SLC39A6: variants seen among roughly 807,000 people sequenced by gnomAD.
SLC39A6 encodes the protein zinc transporter ZIP6.
Under a neutral mutation model 63.5 loss-of-function variants are expected in SLC39A6, and 51 were observed. The observed-to-expected ratio is 0.80, with a 90% confidence interval of 0.64 to 1.01. The LOEUF is 1.01. Among genes scored for constraint, SLC39A6 ranks in the 50% least tolerant of loss-of-function variants. The pLI, the probability that SLC39A6 is intolerant of heterozygous loss-of-function variation, is 0.00. For missense variants in SLC39A6, 805 were observed against 927.8 expected (o/e 0.87, Z 1.72); for synonymous variants, 318 against 324.7 (o/e 0.98, Z 0.22).
intron 7 of SLC39A6, among the ~76,000 whole-genome samples, chr18:36,113,864 T>C (rs1174499261): frequency 2.6e-5 from 4 of 152,218 alleles, no homozygotes; most frequent in African/African-American, 9.6e-5. Context: ...GAACAGCTTT[T>C]GACAGTTACA....
At position 36,123,552 on chromosome 18, in the gene SLC39A6, A is replaced by C. The variant is rs1402850032; in HGVS notation, c.1083T>G (p.Leu361=). 2 of 1,613,920 alleles carry C rather than the reference A, an allele frequency of 1.2e-6. No homozygotes were observed. Among genetic ancestry groups the C allele is most frequent in the African/African-American group, 1.3e-5 (1 of 75,016 alleles). ...RVFFKFLLSF[L]VALAVGTLSG... Reference sequence around the variant, plus strand: ...TCAAAGTCCCAACGGCCAGTGCCACAAGGAAACTCAGGAGAAATTTGAAAA... The same window carrying C: ...TCAAAGTCCCAACGGCCAGTGCCACCAGGAAACTCAGGAGAAATTTGAAAA... Residue 361 remains leucine (L), a synonymous_variant, in exon 4 of 10, where the codon CTT becomes CTG. Coordinates refer to ENST00000269187, the MANE Select transcript of SLC39A6 (RefSeq NM_012319.4).
chr18:36,123,505 A>G lies in SLC39A6; in HGVS notation c.1130T>C (p.Leu377Pro). 4 of 1,609,710 alleles carry G rather than the reference A, an allele frequency of 2.5e-6. No individual in the cohort carries two copies. The highest frequency in any genetic ancestry group is 3.4e-6 in the Non-Finnish European group (4 of 1,178,846). The part of the protein sequence containing the change: ...GTLSGDAFLH[L>P]LPHSHASHHH... ...AATTACTATACTTACATGTGGAAGA[A>G]GGTGTAAAAAAGCATCACCACTCAA... Residue 377 changes from leucine to proline, a missense_variant, in exon 4 of 10, where the codon CTT becomes CCT. By Grantham distance (98) the Leu-to-Pro change is moderately conservative (BLOSUM62 -3). Around this residue, in one of 4 missense-constraint regions of SLC39A6, gnomAD observed 639 missense variants for 644.0 expected, o/e 0.99. Transcript: ENST00000269187.
chr18:36,110,952 T>C (rs2089295046), intron 9 of SLC39A6, 107 bp downstream of exon 9: 1 of 1,492,766 alleles, frequency 6.7e-7, no homozygotes, highest in African/African-American at 1.4e-5. Flanking sequence ...ATAGCAAGAT[T>C]CCACTTCCTG....
chr18:36,125,354 A>AAG (rs1430775533), intron 2 of SLC39A6, among the ~76,000 whole-genome samples: 1 of 151,074 alleles, frequency 6.6e-6, no homozygotes, highest in Non-Finnish European at 1.5e-5. Flanking sequence ...AAAAAAGAAA[A>AAG]AAAAAAAAAA....
rs751225864 is a variant in SLC39A6 at position 36,111,141 on chromosome 18, A to G, written c.2033T>C (p.Ile678Thr). 2 of 1,614,244 alleles carry G rather than the reference A, an allele frequency of 1.2e-6. No homozygotes were observed. Among genetic ancestry groups the G allele is most frequent in the African/African-American group, 1.3e-5 (1 of 75,070 alleles). The change falls in exon 9 of 10, where the codon ATT becomes ACT. Residue 678 changes from isoleucine (I) to threonine (T), a missense_variant. Around this residue, in one of 4 missense-constraint regions of SLC39A6, gnomAD observed 145 missense variants for 227.2 expected, o/e 0.64. Coordinates refer to ENST00000269187, the MANE Select transcript of SLC39A6 (RefSeq NM_012319.4). ...AYLGMATGIF[I>T]GHYAENVSMW... ...AGAAACATTTTCAGCATAATGACCA[A>G]TGAAAATTCCTGTTGCCATTCCAAG...
At chr18:36,112,683 T>G in intron 7 of SLC39A6, 102 bp from the exon 8 acceptor site, 1 of 855,138 alleles carries the variant, frequency 1.2e-6, no homozygotes. Context: ...ATTTTGGCTG[T>G]GAATGAATAG....
chr18:36,111,124 T>C lies in SLC39A6; in HGVS notation c.2050A>G (p.Asn684Asp). ...AGTGCAAATATCCACATAGAAACAT[T>C]TTCAGCATAATGACCAATGAAAATT... ...TGIFIGHYAE[N>D]VSMWIFALTA... The change falls in exon 9 of 10, where the codon AAT becomes GAT. Residue 684 changes from asparagine to aspartate, a missense_variant. Around this residue, in one of 4 missense-constraint regions of SLC39A6, gnomAD observed 145 missense variants for 227.2 expected, o/e 0.64. Coordinates refer to ENST00000269187, the MANE Select transcript of SLC39A6 (RefSeq NM_012319.4). The C allele has an allele frequency of 6.2e-7, 1 of 1,614,208 alleles. No homozygotes were observed. Among genetic ancestry groups the C allele is most frequent in the Non-Finnish European group, 8.5e-7 (1 of 1,180,024 alleles).
intron 8 of SLC39A6, among the ~76,000 whole-genome samples, chr18:36,111,534 A>C (rs568542790): frequency 7.3e-6 from 1 of 136,346 alleles, no homozygotes; most frequent in Non-Finnish European, 1.5e-5. Context: ...CCCAGGCTGG[A>C]GTGCAGTGGC....
chr18:36,123,776 A>G, intron 3 of SLC39A6, 112 bp from the exon 4 acceptor site: 1 of 1,066,814 alleles, frequency 9.4e-7, no homozygotes, highest in African/African-American at 1.6e-5. Context: ...GAAGCTAAAA[A>G]CACACAAATT....
At chr18:36,117,887 C>T (rs923858555) in intron 5 of SLC39A6, among the ~76,000 whole-genome samples, 5 of 151,978 alleles carry the variant, frequency 3.3e-5, no homozygotes, top group African/African-American at 9.7e-5. Flanking sequence ...AAAAATTAGC[C>T]GGGCGTGTTG....
At chr18:36,115,162 C>A (rs2089333327) in intron 6 of SLC39A6, among the ~76,000 whole-genome samples, 1 of 152,138 alleles carries the variant, frequency 6.6e-6, no homozygotes, top group Non-Finnish European at 1.5e-5. Context: ...GAAGAGGGGG[C>A]CGGGCGTGGT....
chr18:36,109,647 A>G lies in SLC39A6; in HGVS notation c.2214T>C (p.Ile738=), dbSNP rs2089285208. ...GTTCAAATATGGAAATAAGTAACAT[A>G]ATTCCAAAACCCAAAAGCATCCCAG... ...QNAGMLLGFG[I]MLLISIFEHK... is the part of the protein sequence containing the mutation. The change falls in exon 10 of 10, where the codon ATT becomes ATC. Residue 738 remains isoleucine (I), a synonymous_variant. Transcript: ENST00000269187. The G allele has an allele frequency of 6.2e-7, 1 of 1,611,808 alleles. No homozygotes were observed. The highest frequency in any genetic ancestry group is 8.5e-7 in the Non-Finnish European group (1 of 1,178,180).
chr18:36,116,635 A>G, intron 6 of SLC39A6, 39 bp downstream of exon 6: 2 of 1,293,046 alleles, frequency 1.5e-6, no homozygotes, highest in Non-Finnish European at 2.2e-6. Flanking sequence ...TACAGCAATG[A>G]ACTCCCTCCA....
At chr18:36,128,033 T>C (rs913944698) in intron 1 of SLC39A6, among the ~76,000 whole-genome samples, 1 of 152,236 alleles carries the variant, frequency 6.6e-6, no homozygotes, top group African/African-American at 2.4e-5. Flanking sequence ...AAACTCACTG[T>C]AGCATCCTTG....
At chr18:36,116,649 C>G in intron 6 of SLC39A6, 25 bp downstream of exon 6, 2 of 1,502,196 alleles carry the variant, frequency 1.3e-6, no homozygotes. Flanking sequence ...CCCTCCAGCC[C>G]TAAAATTTAT....
chr18:36,111,359 GGAAAA>G (rs1832687034), intron 8 of SLC39A6, 110 bp from the exon 9 acceptor site: 6 of 1,030,356 alleles, frequency 5.8e-6, no homozygotes, highest in Non-Finnish European at 7.0e-6. Flanking sequence ...TTTGAGAGGG[GGAAAA>G]GAAAACAAAA....
intron 5 of SLC39A6, 84 bp downstream of exon 5, chr18:36,121,968 G>T: frequency 1.0e-6 from 1 of 975,888 alleles, no homozygotes; most frequent in Non-Finnish European, 1.5e-6. Flanking sequence ...TACAACCTGG[G>T]CATGCTATTC....
At chr18:36,116,560 T>C (rs767700160) in intron 6 of SLC39A6, 114 bp downstream of exon 6, 2 of 696,036 alleles carry the variant, frequency 2.9e-6, no homozygotes, top group Non-Finnish European at 5.0e-6. Flanking sequence ...TATGAGATAC[T>C]GCAAAAACCA....
rs116810380 is a variant in SLC39A6, at chr18:36,127,620, T to A, written c.-9-604A>T. ...ATAATAATCTCAGAATTCACATATT[T>A]AAAAAATTTTAAACTAATACACTCT... On this transcript the variant is annotated intron_variant, in intron 1 of 9. Coordinates refer to ENST00000269187, the MANE Select transcript of SLC39A6 (RefSeq NM_012319.4). Among the ~76,000 whole-genome samples, 1,265 of 152,244 alleles carry A rather than the reference T, an allele frequency of 8.3e-3. 28 individuals are homozygous for A. Among genetic ancestry groups the A allele is most frequent in the African/African-American group, 0.029 (1,203 of 41,536 alleles).
Sources: allele counts gnomAD v4.1 joint callset (sites outside exome capture counted in the v4.1 genomes callset), GRCh38; gene constraint gnomAD v4.1.1; regional missense constraint gnomAD v4.1.1; transcripts MANE v1.5; gene names NCBI Gene and HGNC (gene_info 2026-07-23, HGNC 2026-07-21).